The following ARMC2 variants were observed in gnomAD, a reference collection of about 807,000 sequenced individuals.
ARMC2 encodes the protein armadillo repeat containing 2.
In ARMC2, 67 loss-of-function variants were observed where a neutral mutation model predicts 90.3. The observed-to-expected ratio is 0.74, with a 90% confidence interval of 0.61 to 0.91. The LOEUF (loss-of-function observed/expected upper bound fraction) is 0.91, where lower values mean the gene tolerates loss of function less well. Among genes scored for constraint, ARMC2 ranks in the 40% least tolerant of loss-of-function variants. The pLI is 0.00. For synonymous variants in ARMC2, 393 were observed against 393.0 expected, an observed-to-expected ratio of 1.00 and a Z score of 0.00; for missense variants, 920 against 1,030.9, an observed-to-expected ratio of 0.89 and a Z score of 1.47.
the ARMC2 span, among the ~76,000 whole-genome samples, chr6:108,980,155 G>A: frequency 2.6e-3 from 390 of 152,148 alleles, no homozygotes; most frequent in Non-Finnish European, 3.7e-3. Flanking sequence ...TTTGATGTTG[G>A]TGTCCTTCAG....
chr6:108,874,189 C>G (rs554740043), intron 4 of ARMC2, among the ~76,000 whole-genome samples: 1 of 152,256 alleles, frequency 6.6e-6, no homozygotes, highest in South Asian at 2.1e-4. Context: ...AGTGAGCCCC[C>G]CAGGGCAGCT....
chr6:109,008,720 A>G, the ARMC2 span: 1 of 963,542 alleles, frequency 1.0e-6, no homozygotes, highest in African/African-American at 1.8e-5. Flanking sequence ...AACCACTTAG[A>G]AAAAAACACA....
the ARMC2 span, chr6:109,009,079 T>C: frequency 1.1e-4 from 99 of 878,624 alleles, 1 homozygote; most frequent in Non-Finnish European, 1.4e-4. Context: ...TTCATTTACA[T>C]GACCGCGGCC....
At chr6:109,005,282 T>C in the ARMC2 span, among the ~76,000 whole-genome samples, 2 of 152,174 alleles carry the variant, frequency 1.3e-5, no homozygotes, top group African/African-American at 4.8e-5. Context: ...TTAAAAGCTC[T>C]TCAAGTTATA....
chr6:109,002,337 C>G, the ARMC2 span: 16 of 1,612,822 alleles, frequency 9.9e-6, no homozygotes, highest in African/African-American at 1.3e-4. Context: ...ATTCTAATGC[C>G]AAGTTCCTAG....
In ARMC2 at chr6:108,973,551, T is replaced by C. The variant is rs755510784; in HGVS notation, c.*37T>C. ...TTAACAGTAGAAACGAGAACTCACG[T>C]CTCCCTCATTCTTAAGAACTGGTAA... On this transcript the variant is annotated 3_prime_UTR_variant, in exon 18 of 18. Coordinates refer to ENST00000392644, the MANE Select transcript of ARMC2 (RefSeq NM_032131.6). The C allele has an allele frequency of 4.6e-6, 7 of 1,528,882 alleles. No individual in the cohort carries two copies. Among genetic ancestry groups the C allele is most frequent in the Admixed American group, 2.0e-5 (1 of 51,180 alleles). The allele number at this position is 1,528,882 out of a possible 1,614,324, so 94.7% of individuals were successfully genotyped here.
chr6:108,889,230 C>T (rs1355003069), intron 5 of ARMC2, among the ~76,000 whole-genome samples: 1 of 152,184 alleles, frequency 6.6e-6, no homozygotes, highest in African/African-American at 2.4e-5. Context: ...ATTGCAACTT[C>T]TGCCCCCTGG....
intron 10 of ARMC2, among the ~76,000 whole-genome samples, chr6:108,924,961 A>G (rs1391109884): frequency 1.3e-5 from 2 of 152,212 alleles, no homozygotes; most frequent in African/African-American, 2.4e-5. Context: ...GGGGCCCGGG[A>G]GTTTAGGAGC....
At chr6:109,004,251 C>T in the ARMC2 span, among the ~76,000 whole-genome samples, 2 of 151,728 alleles carry the variant, frequency 1.3e-5, no homozygotes, top group African/African-American at 4.8e-5. Context: ...CCACAAAAGC[C>T]AAAAGTCATA....
intron 10 of ARMC2, among the ~76,000 whole-genome samples, chr6:108,915,418 A>C (rs1275875852): frequency 2.6e-5 from 4 of 152,130 alleles, no homozygotes; most frequent in African/African-American, 4.8e-5. Flanking sequence ...TTCTTCTATG[A>C]CTTTCAACCC....
At chr6:108,895,414 A>G (rs1200982579) in intron 6 of ARMC2, among the ~76,000 whole-genome samples, 1 of 145,050 alleles carries the variant, frequency 6.9e-6, no homozygotes, top group Non-Finnish European at 1.5e-5. Flanking sequence ...AACCCAGGAG[A>G]TGGAGTTTGC....
the ARMC2 span, chr6:108,992,778 C>T: frequency 6.3e-7 from 1 of 1,575,706 alleles, no homozygotes; most frequent in South Asian, 1.1e-5. Flanking sequence ...ATACAAGTTG[C>T]AATTTTACCT....
Position 108,885,777 on chromosome 6 carries a change from A to G in ARMC2, c.672-8690A>G, listed in dbSNP as rs76806813. Among the ~76,000 whole-genome samples the G allele has an allele frequency of 4.2e-3, 635 of 152,344 alleles. 3 individuals are homozygous for G. The highest frequency in any genetic ancestry group is 0.014 in the African/African-American group (595 of 41,588). On this transcript the variant is annotated intron_variant, in intron 5 of 17. Coordinates refer to ENST00000392644, the MANE Select transcript of ARMC2 (RefSeq NM_032131.6). ...AACATGCTGAGGGGACCCTCCCTCC[A>G]TTGTCCACCCCTCTGTTGGCATTAC...
At chr6:108,861,702 A>G (rs982187763) in intron 3 of ARMC2, among the ~76,000 whole-genome samples, 1 of 152,166 alleles carries the variant, frequency 6.6e-6, no homozygotes, top group Non-Finnish European at 1.5e-5. Flanking sequence ...CTTGGGAACC[A>G]CTTGGGTTTT....
intron 3 of ARMC2, among the ~76,000 whole-genome samples, chr6:108,862,722 C>T (rs1255487593): frequency 6.6e-6 from 1 of 152,098 alleles, no homozygotes; most frequent in Non-Finnish European, 1.5e-5. Flanking sequence ...AGAGGAGTGT[C>T]TCACAGTTAA....
At chr6:108,994,178 C>G in the ARMC2 span, among the ~76,000 whole-genome samples, 1 of 148,414 alleles carries the variant, frequency 6.7e-6, no homozygotes, top group Non-Finnish European at 1.5e-5. Flanking sequence ...AAAAAGAGGG[C>G]ACTCATATGT....
intron 12 of ARMC2, among the ~76,000 whole-genome samples, chr6:108,946,544 A>G (rs1324881389): frequency 1.3e-5 from 2 of 152,176 alleles, no homozygotes; most frequent in Non-Finnish European, 2.9e-5. Flanking sequence ...AAGCTCAATT[A>G]ATGTTTGAGT....
the ARMC2 span, among the ~76,000 whole-genome samples, chr6:109,015,161 C>G: frequency 1.3e-5 from 2 of 152,152 alleles, no homozygotes; most frequent in South Asian, 4.1e-4. Context: ...GGCCACAAAA[C>G]CTGCCTGTTT....
Position 108,894,525 on chromosome 6 carries a change from A to G in ARMC2, c.730A>G (p.Arg244Gly). 1 of 1,609,528 alleles carries G rather than the reference A, an allele frequency of 6.2e-7. No homozygotes were observed. The highest frequency in any genetic ancestry group is 8.5e-7 in the Non-Finnish European group (1 of 1,178,138). Residue 244 changes from arginine to glycine, a missense_variant, in exon 6 of 18, where the codon AGG becomes GGG. By Grantham distance (125) the Arg-to-Gly change is moderately radical. Coordinates refer to ENST00000392644, the MANE Select transcript of ARMC2 (RefSeq NM_032131.6). ...ATGCCCCAGTAGCTCAGACCTGAGC[A>G]GGCTGCAAACCAAAGCAGGTGAGGG... ...SSCPSSSDLS[R>G]LQTKAVPKAD...
Sources: gnomAD v4.1 joint callset for allele counts (sites outside exome capture counted in the v4.1 genomes callset) on GRCh38, gnomAD v4.1.1 for gene constraint, MANE v1.5 for transcripts, NCBI Gene and HGNC (gene_info 2026-07-23, HGNC 2026-07-21) for gene names.